DST: variants seen among roughly 807,000 people sequenced by gnomAD.
DST encodes the protein bullous pemphigoid antigen.
DST carries 253 observed loss-of-function variants against 875.2 expected under a neutral mutation model. That is an observed-to-expected ratio of 0.29 (90% confidence interval 0.26 to 0.32). The LOEUF (loss-of-function observed/expected upper bound fraction) is 0.32, where lower values mean the gene tolerates loss of function less well. Ranked by LOEUF, DST falls within the 10% of genes least tolerant of loss-of-function variation. The probability of loss-of-function intolerance (pLI) is 1.00; values close to 1 mark genes in which losing one functional copy is unlikely to be tolerated. For synonymous variants in DST, 3,124 were observed against 3,197.1 expected, an observed-to-expected ratio of 0.98 and a Z score of 0.77; for missense variants, 8,287 against 9,111.6, an observed-to-expected ratio of 0.91 and a Z score of 3.68.
chr6:56,593,580 T>A, intron 48 of DST, 83 bp downstream of exon 48: 1 of 1,193,224 alleles, frequency 8.4e-7, no homozygotes, highest in Non-Finnish European at 1.1e-6. Flanking sequence ...GGATTTTAGG[T>A]TTCTTGCCTC....
intron 4 of DST, chr6:56,843,719 T>C (rs1375825531): frequency 3.3e-5 from 5 of 152,110 alleles, no homozygotes; most frequent in African/African-American, 9.9e-5. Context: ...GGGTGGAGGG[T>C]GGAGGGTGGA....
intron 101 of DST, 21 bp downstream of exon 101, chr6:56,463,544 A>T: frequency 1.3e-6 from 2 of 1,534,310 alleles, no homozygotes; most frequent in Non-Finnish European, 1.7e-6. Flanking sequence ...GTGGAGGAAA[A>T]GTCTTCATCC....
chr6:56,766,263 G>A (rs1051181174), intron 4 of DST, among the ~76,000 whole-genome samples: 6 of 152,152 alleles, frequency 3.9e-5, no homozygotes, highest in African/African-American at 1.4e-4. Flanking sequence ...TGAGTATAAT[G>A]TCTCCCATGT....
chr6:56,939,651 T>C (rs1005242231), intron 2 of DST, among the ~76,000 whole-genome samples: 2 of 152,212 alleles, frequency 1.3e-5, no homozygotes, highest in Non-Finnish European at 2.9e-5. Flanking sequence ...CCATTTTCAC[T>C]GTTTTTGCAT....
At chr6:56,897,831 G>A (rs1021012322) in intron 3 of DST, among the ~76,000 whole-genome samples, 6 of 151,936 alleles carry the variant, frequency 3.9e-5, no homozygotes, top group Admixed American at 1.3e-4. Flanking sequence ...ATATTTATTC[G>A]CCCTGCTCCC....
At chr6:56,556,566 T>A (rs1489857587) in intron 59 of DST, among the ~76,000 whole-genome samples, 12 of 152,210 alleles carry the variant, frequency 7.9e-5, no homozygotes, top group Non-Finnish European at 1.8e-4. Flanking sequence ...CTTTGGATTA[T>A]GAACAGATAT....
chr6:56,871,181 G>T, intron 3 of DST: 1 of 737,652 alleles, frequency 1.4e-6, no homozygotes, highest in South Asian at 1.4e-5. Context: ...GCCTGAGGTA[G>T]TCTGTGAAAA....
At chr6:56,871,858 G>A in intron 3 of DST, 1 of 265,070 alleles carries the variant, frequency 3.8e-6, no homozygotes, top group South Asian at 4.8e-5. Context: ...CCCACAATGG[G>A]GTTAACAGAT....
At chr6:56,742,440 C>A in intron 4 of DST, 1 of 982,252 alleles carries the variant, frequency 1.0e-6, no homozygotes, top group Non-Finnish European at 1.4e-6. Flanking sequence ...AAAACACTGA[C>A]TAGACACTCC....
At chr6:56,612,670 T>C (rs964699357) in intron 37 of DST, among the ~76,000 whole-genome samples, 1 of 152,224 alleles carries the variant, frequency 6.6e-6, no homozygotes, top group African/African-American at 2.4e-5. Context: ...TTTTCATGAC[T>C]ATAATCATGA....
chr6:56,600,725 T>G (rs575766638), intron 44 of DST, among the ~76,000 whole-genome samples: 1 of 152,078 alleles, frequency 6.6e-6, no homozygotes, highest in African/African-American at 2.4e-5. Context: ...CTCACCTCTT[T>G]GCTCGTTATT....
chr6:56,601,229 T>C (rs1266682269), intron 44 of DST, among the ~76,000 whole-genome samples: 1 of 152,086 alleles, frequency 6.6e-6, no homozygotes, highest in Non-Finnish European at 1.5e-5. Flanking sequence ...TGAAGTTAAG[T>C]ATTTTTGGGA....
At chr6:56,504,854 G>T (rs577321464) in intron 77 of DST, among the ~76,000 whole-genome samples, 8 of 151,732 alleles carry the variant, frequency 5.3e-5, no homozygotes, top group African/African-American at 1.9e-4. Context: ...TGCCACCATG[G>T]CTGGCTAATA....
chr6:56,785,543 C>T (rs529159397), intron 4 of DST, among the ~76,000 whole-genome samples: 64 of 152,312 alleles, frequency 4.2e-4, no homozygotes, highest in African/African-American at 1.5e-3. Flanking sequence ...TCCTGGTGCA[C>T]CGTTTCCTAA....
intron 53 of DST, 138 bp downstream of exon 53, chr6:56,571,962 A>G: frequency 2.8e-6 from 1 of 361,878 alleles, no homozygotes; most frequent in Non-Finnish European, 4.7e-6. Flanking sequence ...TGATCAAAAT[A>G]TAAAAACATC....
At chr6:56,813,957 A>G (rs906324132) in intron 4 of DST, among the ~76,000 whole-genome samples, 4 of 152,052 alleles carry the variant, frequency 2.6e-5, no homozygotes, top group South Asian at 4.1e-4. Flanking sequence ...AAGCATGAGG[A>G]AAAAAAAGTT....
chr6:56,485,648 T>C (rs2095535572), intron 87 of DST, among the ~76,000 whole-genome samples, 177 bp from the exon 88 acceptor site: 1 of 152,268 alleles, frequency 6.6e-6, no homozygotes, highest in South Asian at 2.1e-4. Context: ...CTAAACTTTC[T>C]TTCTTATTCC....
At chr6:56,728,549 G>T (rs2152922339) in intron 5 of DST, among the ~76,000 whole-genome samples, 1 of 152,240 alleles carries the variant, frequency 6.6e-6, no homozygotes, top group South Asian at 2.1e-4. Context: ...GGTGGCTCAT[G>T]CCTGTAATCC....
At chr6:56,651,464 T>C (rs1053908080) in intron 10 of DST, among the ~76,000 whole-genome samples, 4 of 152,354 alleles carry the variant, frequency 2.6e-5, no homozygotes, top group Admixed American at 2.0e-4. Context: ...AATTTGAACA[T>C]ATATAAATTT....
Sources: allele counts gnomAD v4.1 joint callset (sites outside exome capture counted in the v4.1 genomes callset), GRCh38; gene constraint gnomAD v4.1.1; transcripts MANE v1.5; gene names NCBI Gene and HGNC (gene_info 2026-07-23, HGNC 2026-07-21).